The following F8 variants were observed in gnomAD, a reference collection of about 807,000 sequenced individuals.
The protein encoded by F8 is coagulation factor VIII.
Under a neutral mutation model 140.6 loss-of-function variants are expected in F8, and 12 were observed. The observed-to-expected ratio is 0.09, with a 90% CI of 0.05 to 0.14. The LOEUF (loss-of-function observed/expected upper bound fraction) is 0.14. Ranked by LOEUF, F8 falls within the 10% of genes least tolerant of loss-of-function variation. The probability of loss-of-function intolerance (pLI) is 1.00; values close to 1 mark genes in which losing one functional copy is unlikely to be tolerated. For missense variants in F8, 1,354 were observed against 1,720.7 expected, an observed-to-expected ratio of 0.79 and a Z score of 3.77; for synonymous variants, 585 against 614.6, an observed-to-expected ratio of 0.95 and a Z score of 0.71.
At chrX:154,956,857 T>A in intron 11 of F8, 100 bp downstream of exon 11, 1 of 745,404 alleles carries the variant, frequency 1.3e-6, no homozygotes, top group Non-Finnish European at 2.1e-6. Flanking sequence ...TAAGCTCATT[T>A]CTTTTACTGA....
intron 20 of F8, among the ~76,000 whole-genome samples, chrX:154,901,055 A>C (rs1336201280): frequency 8.9e-6 from 1 of 112,406 alleles, no homozygotes; most frequent in African/African-American, 3.2e-5. Flanking sequence ...TATAGACCCT[A>C]GTCAAACTTT....
At chrX:154,962,906 G>GAC (rs2073403928) in intron 9 of F8, among the ~76,000 whole-genome samples, 1 of 109,693 alleles carries the variant, frequency 9.1e-6, no homozygotes, top group African/African-American at 3.3e-5. Flanking sequence ...GAGAGAGAGA[G>GAC]AGAGAGAGAG....
chrX:154,914,638 G>C (rs28884320), intron 14 of F8, among the ~76,000 whole-genome samples: 1,130 of 111,784 alleles, frequency 0.01, 15 homozygotes, highest in African/African-American at 0.035. Context: ...TAACAAGTTC[G>C]TCATCTCCAT....
chrX:154,860,389 A>AT lies in F8; in HGVS notation c.6900+42dup, dbSNP rs782541492. Reference sequence around the variant, plus strand: ...TATGTTAAGCTCTAGGAGAGGTGGTATTTTTTTTCTTTCTTTCTTTCTTTC... The same window carrying AT: ...TATGTTAAGCTCTAGGAGAGGTGGTATTTTTTTTTCTTTCTTTCTTTCTTTC... On this transcript the variant is annotated intron_variant, in intron 25 of 25. Coordinates refer to ENST00000360256, the MANE Select transcript of F8 (RefSeq NM_000132.4). 6 of 1,177,918 alleles carry AT rather than the reference A, an allele frequency of 5.1e-6. No individual in the cohort carries two copies. The South Asian group carries it at 7.1e-5, about 14-fold the overall frequency.
rs1361597548 is a variant in F8 at position 154,931,526 on chromosome X, G to A, written c.2264C>T (p.Ala755Val). Residue 755 changes from alanine (A) to valine (V), a missense_variant, in exon 14 of 26, where the codon GCC (alanine) becomes GTC (valine). Ala to Val is a moderately conservative substitution (Grantham distance 64). This residue lies in a region of F8 where 252 missense variants were observed against 338.5 expected (regional missense o/e 0.74). Transcript: ENST00000360256. ...ISAYLLSKNN[A>V]IEPRSFSQNS... The stretch of plus-strand genomic sequence containing the variant: ...CTGGGAGAAGCTTCTTGGTTCAATG[G>A]CATTGTTTTTACTCAGCAAGTATGC... The A allele has an allele frequency of 8.3e-7, 1 of 1,209,626 alleles. No individual in the cohort carries two copies. The highest frequency in any genetic ancestry group is 2.2e-5 in the Admixed American group (1 of 45,751).
At chrX:154,999,093 G>C (rs781884391) in intron 2 of F8, among the ~76,000 whole-genome samples, 1 of 110,656 alleles carries the variant, frequency 9.0e-6, no homozygotes, top group Admixed American at 9.7e-5. Context: ...GTGAGTCAGG[G>C]CCTAAGGGTT....
intron 1 of F8, among the ~76,000 whole-genome samples, chrX:155,001,334 T>G (rs1270834788): frequency 3.5e-5 from 3 of 85,127 alleles, no homozygotes; most frequent in African/African-American, 1.3e-4. Flanking sequence ...TTTTTTTTTT[T>G]GACAGGGTCT....
intron 3 of F8, among the ~76,000 whole-genome samples, chrX:154,996,394 A>G (rs1367464050): frequency 8.9e-6 from 1 of 112,593 alleles, no homozygotes; most frequent in Non-Finnish European, 1.9e-5. Context: ...ATGAAGTAGT[A>G]GAATCTTGAT....
chrX:154,975,376 G>T (rs782271708), intron 6 of F8, among the ~76,000 whole-genome samples: 18 of 111,658 alleles, frequency 1.6e-4, no homozygotes, highest in South Asian at 3.7e-4. Context: ...CCATGTATTT[G>T]TACAGTTGTT....
At chrX:154,972,773 T>C (rs910522549) in intron 6 of F8, among the ~76,000 whole-genome samples, 1 of 89,450 alleles carries the variant, frequency 1.1e-5, no homozygotes, top group Non-Finnish European at 2.1e-5. Context: ...TGGAGTGCAA[T>C]AGCACGATCT....
At chrX:154,890,964 A>G (rs782707524) in intron 22 of F8, among the ~76,000 whole-genome samples, 1 of 113,059 alleles carries the variant, frequency 8.8e-6, no homozygotes, top group Admixed American at 9.3e-5. Flanking sequence ...CATTTCATTC[A>G]TGAATATAGA....
At chrX:154,894,568 A>T (rs1398381134) in intron 22 of F8, among the ~76,000 whole-genome samples, 2 of 110,262 alleles carry the variant, frequency 1.8e-5, no homozygotes, top group African/African-American at 6.6e-5. Context: ...AAAATACAAA[A>T]ATTAGCTGGG....
At chrX:154,949,295 T>C (rs1165139563) in intron 12 of F8, among the ~76,000 whole-genome samples, 3 of 111,767 alleles carry the variant, frequency 2.7e-5, no homozygotes, top group Admixed American at 9.5e-5. Context: ...TGAACTTCCA[T>C]CAATTGCAGG....
At chrX:154,921,978 T>C (rs2073133990) in intron 14 of F8, among the ~76,000 whole-genome samples, 1 of 111,272 alleles carries the variant, frequency 9.0e-6, no homozygotes, top group Non-Finnish European at 1.9e-5. Flanking sequence ...TGTATACATA[T>C]GTAACAAACC....
At chrX:154,850,083 TTGTGTGTGTGTGTG>T (rs60052978) in intron 25 of F8, among the ~76,000 whole-genome samples, 26 of 96,087 alleles carry the variant, frequency 2.7e-4, no homozygotes, top group Non-Finnish European at 4.8e-4. Flanking sequence ...CAGGCTTGTT[TTGTGTGTGTGTGTG>T]TGTGTGTGTG....
intron 12 of F8, among the ~76,000 whole-genome samples, chrX:154,948,709 C>T (rs1430062628): frequency 8.9e-6 from 1 of 111,836 alleles, no homozygotes; most frequent in Admixed American, 9.5e-5. Flanking sequence ...AAGCCTCTTC[C>T]ACACATCCAT....
At chrX:154,838,946 C>CA (rs1435225709) in intron 25 of F8, among the ~76,000 whole-genome samples, 3 of 84,083 alleles carry the variant, frequency 3.6e-5, no homozygotes, top group African/African-American at 1.3e-4. Context: ...CCCACCCCCC[C>CA]AAGAGATGCC....
At chrX:154,841,135 G>GT (rs1288359930) in intron 25 of F8, among the ~76,000 whole-genome samples, 1 of 108,638 alleles carries the variant, frequency 9.2e-6, no homozygotes, top group Non-Finnish European at 1.9e-5. Flanking sequence ...GACCAAAGAG[G>GT]TTTGTGGGTC....
chrX:154,996,310 C>T (rs1288979655), intron 3 of F8, among the ~76,000 whole-genome samples: 3 of 111,913 alleles, frequency 2.7e-5, no homozygotes, highest in Middle Eastern at 4.2e-3. Context: ...CTGCAAAGAG[C>T]TAGGCAACTA....
Sources: allele counts gnomAD v4.1 joint callset (sites outside exome capture counted in the v4.1 genomes callset), GRCh38; gene constraint gnomAD v4.1.1; regional missense constraint gnomAD v4.1.1; transcripts MANE v1.5; gene names NCBI Gene and HGNC (gene_info 2026-07-23, HGNC 2026-07-21).